The following PCTP variants were observed in gnomAD, a reference collection of about 807,000 sequenced individuals.
PCTP encodes phosphatidylcholine transfer protein, also known as START domain-containing protein 2.
Under a neutral mutation model 31.0 loss-of-function variants are expected in PCTP, and 27 were observed. That is an observed-to-expected ratio of 0.87 (90% confidence interval 0.64 to 1.20). PCTP has a LOEUF of 1.20. Among genes scored for constraint, PCTP ranks in the 50% most tolerant of loss-of-function variants. The pLI is 0.00. For synonymous variants in PCTP, 108 were observed against 101.2 expected (o/e 1.07, Z -0.40); for missense variants, 287 against 268.2 (o/e 1.07, Z -0.49).
chr17:55,795,961 A>G (rs946649280), intron 3 of PCTP, among the ~76,000 whole-genome samples: 11 of 152,068 alleles, frequency 7.2e-5, no homozygotes, highest in Admixed American at 7.2e-4. Context: ...TAAAGGTTCA[A>G]AAAAGTGTTC....
chr17:55,775,468 G>C, intron 5 of PCTP: 2 of 1,222,958 alleles, frequency 1.6e-6, no homozygotes, highest in Non-Finnish European at 1.0e-6. Flanking sequence ...TCAAACAGAC[G>C]CAATTTCAAA....
chr17:55,805,520 G>T (rs1420273871), intron 3 of PCTP, among the ~76,000 whole-genome samples: 1 of 152,020 alleles, frequency 6.6e-6, no homozygotes, highest in East Asian at 1.9e-4. Context: ...CCATGTTGCT[G>T]CAAAGGACAT....
intron 3 of PCTP, among the ~76,000 whole-genome samples, chr17:55,819,289 TG>T (rs1419565289): frequency 1.3e-5 from 2 of 152,078 alleles, no homozygotes; most frequent in African/African-American, 4.8e-5. Context: ...AAAATTGTGC[TG>T]GAGGCTTTAG....
downstream of PCTP, among the ~76,000 whole-genome samples, chr17:55,827,142 C>T (rs977689293): frequency 5.7e-4 from 86 of 152,026 alleles, no homozygotes; most frequent in Admixed American, 3.3e-4. Context: ...AAGTCTATTT[C>T]CCTGCACTTT....
chr17:55,838,416 C>T (rs567161171), intron 5 of PCTP, among the ~76,000 whole-genome samples: 2 of 152,334 alleles, frequency 1.3e-5, no homozygotes, highest in South Asian at 4.1e-4. Context: ...TAAAGGTTCA[C>T]TTCCTCAGGA....
chr17:55,797,120 C>T (rs1368862121), intron 3 of PCTP, among the ~76,000 whole-genome samples: 1 of 151,926 alleles, frequency 6.6e-6, no homozygotes, highest in East Asian at 1.9e-4. Context: ...AAATTCGACC[C>T]TCTACCTTTC....
intron 3 of PCTP, among the ~76,000 whole-genome samples, chr17:55,795,732 T>C (rs910147560): frequency 3.9e-5 from 6 of 152,040 alleles, no homozygotes; most frequent in African/African-American, 1.4e-4. Flanking sequence ...AAAATGTACT[T>C]GTTGAATTAG....
chr17:55,849,412 C>T, the PCTP span, among the ~76,000 whole-genome samples: 1 of 152,168 alleles, frequency 6.6e-6, no homozygotes, highest in Admixed American at 6.5e-5. Flanking sequence ...CACCTGAGGT[C>T]AGGAGTTCGA....
At chr17:55,846,245 T>C (rs183235093), downstream of PCTP, among the ~76,000 whole-genome samples, 635 of 152,264 alleles carry the variant, frequency 4.2e-3, 3 homozygotes, top group African/African-American at 0.015. Flanking sequence ...TCTCCAGATA[T>C]CCTGCTCAAT....
At chr17:55,852,610 T>G in the PCTP span, among the ~76,000 whole-genome samples, 2 of 152,234 alleles carry the variant, frequency 1.3e-5, no homozygotes, top group Non-Finnish European at 1.5e-5. Context: ...TTCCTAGTGT[T>G]TTTAATATCA....
At chr17:55,843,933 G>T (rs528475295), downstream of PCTP, among the ~76,000 whole-genome samples, 3 of 152,282 alleles carry the variant, frequency 2.0e-5, no homozygotes, top group East Asian at 5.8e-4. Flanking sequence ...CAGTGACAGA[G>T]ATGGAGCTCA....
chr17:55,822,008 G>A (rs1913130398), intron 3 of PCTP, among the ~76,000 whole-genome samples: 1 of 152,154 alleles, frequency 6.6e-6, no homozygotes, highest in African/African-American at 2.4e-5. Flanking sequence ...CCTCAGATAT[G>A]TCACAGCTGT....
At chr17:55,828,476 A>G (rs964600372) in intron 5 of PCTP, among the ~76,000 whole-genome samples, 2 of 152,148 alleles carry the variant, frequency 1.3e-5, no homozygotes, top group Admixed American at 1.3e-4. Context: ...CTGTGCTTTC[A>G]CATGGCATTC....
chr17:55,802,407 GAAC>G (rs1488897821), intron 3 of PCTP, among the ~76,000 whole-genome samples: 1 of 152,018 alleles, frequency 6.6e-6, no homozygotes, highest in South Asian at 2.1e-4. Flanking sequence ...CGCAGAGACA[GAAC>G]AACAACAACA....
At chr17:55,827,918 C>T (rs569869409), downstream of PCTP, among the ~76,000 whole-genome samples, 6 of 152,284 alleles carry the variant, frequency 3.9e-5, no homozygotes, top group African/African-American at 1.4e-4. Flanking sequence ...TCCTGTAAAA[C>T]CACTGTTACT....
chr17:55,776,427 A>C lies in PCTP; in HGVS notation c.*327A>C. 8.1e-7 allele frequency: 1 copy of C among 1,240,638 alleles called. No homozygotes were observed. The highest frequency in any genetic ancestry group is 1.0e-6 in the Non-Finnish European group (1 of 993,612). 76.9% of individuals were successfully genotyped at this position (1,240,638 alleles called of 1,614,324 possible). On this transcript the variant is annotated 3_prime_UTR_variant, in exon 6 of 6. Coordinates refer to ENST00000268896, the MANE Select transcript of PCTP (RefSeq NM_021213.4). ...CTTACTATTAGGAGGGGAAGTCTTC[A>C]GTAGGGAACACGATCATTCCATTGT...
chr17:55,825,068 A>C (rs749532720), downstream of PCTP, among the ~76,000 whole-genome samples: 1 of 152,170 alleles, frequency 6.6e-6, no homozygotes, highest in Non-Finnish European at 1.5e-5. Flanking sequence ...CAGGTGCACA[A>C]ATTTTTTTAA....
intron 3 of PCTP, among the ~76,000 whole-genome samples, chr17:55,818,320 A>T (rs1912996703): frequency 6.6e-6 from 1 of 152,230 alleles, no homozygotes; most frequent in African/African-American, 2.4e-5. Flanking sequence ...TTTAAACAAG[A>T]CCACTTTCCT....
chr17:55,844,235 G>A (rs554220107), downstream of PCTP, among the ~76,000 whole-genome samples: 14 of 152,250 alleles, frequency 9.2e-5, no homozygotes, highest in African/African-American at 2.6e-4. Flanking sequence ...TCTGTGCAAG[G>A]CCATTTTGTG....
Sources: gnomAD v4.1 joint callset for allele counts (sites outside exome capture counted in the v4.1 genomes callset) on GRCh38, gnomAD v4.1.1 for gene constraint, MANE v1.5 for transcripts, NCBI Gene and HGNC (gene_info 2026-07-23, HGNC 2026-07-21) for gene names.